Variants in SDK1 observed in about 807,000 individuals in gnomAD.
The protein encoded by SDK1 is sidekick cell adhesion molecule 1.
In SDK1, 157 loss-of-function variants were observed where a neutral mutation model predicts 245.5. The observed-to-expected ratio is 0.64, with a 90% CI of 0.56 to 0.73. SDK1 has a LOEUF of 0.73. Among genes scored for constraint, SDK1 ranks in the 30% least tolerant of loss-of-function variants. SDK1 has a pLI of 0.00. For missense variants in SDK1, 3,583 were observed against 3,002.3 expected, an observed-to-expected ratio of 1.19 and a Z score of -4.52; for synonymous variants, 1,647 against 1,278.5, an observed-to-expected ratio of 1.29 and a Z score of -6.15.
intron 1 of SDK1, among the ~76,000 whole-genome samples, chr7:3,506,367 G>A (rs921799779): frequency 4.6e-5 from 7 of 152,092 alleles, no homozygotes; most frequent in Non-Finnish European, 8.8e-5. Context: ...TATTCCCTGT[G>A]TAAGTTGTAT....
At chr7:3,802,482 C>G (rs935287887) in intron 4 of SDK1, among the ~76,000 whole-genome samples, 3 of 152,018 alleles carry the variant, frequency 2.0e-5, no homozygotes, top group African/African-American at 7.3e-5. Context: ...CTGCAGTGAG[C>G]CATGATCATG....
intron 1 of SDK1, among the ~76,000 whole-genome samples, chr7:3,371,102 C>G (rs537164592): frequency 6.6e-6 from 1 of 152,230 alleles, no homozygotes; most frequent in South Asian, 2.1e-4. Context: ...ACAAGAGTGC[C>G]TGAGTCTCAG....
chr7:3,479,205 T>A (rs1038363856), intron 1 of SDK1, among the ~76,000 whole-genome samples: 3 of 151,996 alleles, frequency 2.0e-5, no homozygotes, highest in African/African-American at 7.2e-5. Context: ...GCGGATCACT[T>A]GAGGTCAGGA....
At chr7:3,652,371 C>G (rs977367919) in intron 4 of SDK1, among the ~76,000 whole-genome samples, 31 of 152,138 alleles carry the variant, frequency 2.0e-4, no homozygotes. Context: ...CCTGGACATG[C>G]ACAGACAAGC....
At chr7:3,641,325 C>G (rs905997905) in intron 3 of SDK1, among the ~76,000 whole-genome samples, 1 of 152,128 alleles carries the variant, frequency 6.6e-6, no homozygotes, top group African/African-American at 2.4e-5. Flanking sequence ...TACCTACATT[C>G]TAATAGCTAT....
At chr7:4,173,150 G>T (rs914594686) in intron 32 of SDK1, among the ~76,000 whole-genome samples, 6 of 152,232 alleles carry the variant, frequency 3.9e-5, no homozygotes, top group African/African-American at 1.2e-4. Flanking sequence ...TCCGTCCTCT[G>T]ACGAGGCTTC....
At chr7:4,113,638 C>T (rs1171348419) in intron 24 of SDK1, among the ~76,000 whole-genome samples, 199 bp downstream of exon 24, 2 of 152,174 alleles carry the variant, frequency 1.3e-5, no homozygotes. Context: ...TAATTAGTAG[C>T]ATTACTCACT....
chr7:3,536,970 C>A (rs1416800818), intron 1 of SDK1, among the ~76,000 whole-genome samples: 1 of 151,672 alleles, frequency 6.6e-6, no homozygotes, highest in Non-Finnish European at 1.5e-5. Flanking sequence ...ATATTTTTTT[C>A]TTCAATCTCT....
At chr7:3,989,368 C>G (rs1423932715) in intron 14 of SDK1, among the ~76,000 whole-genome samples, 1 of 152,106 alleles carries the variant, frequency 6.6e-6, no homozygotes, top group East Asian at 1.9e-4. Flanking sequence ...CCCCCATGAT[C>G]CAGTTACCTC....
At chr7:3,323,391 G>A (rs1163487839) in intron 1 of SDK1, among the ~76,000 whole-genome samples, 1 of 152,232 alleles carries the variant, frequency 6.6e-6, no homozygotes, top group Non-Finnish European at 1.5e-5. Context: ...AGAGCTTGCT[G>A]TAAAAGATAG....
chr7:3,593,867 A>T (rs368515599), intron 1 of SDK1, among the ~76,000 whole-genome samples: 1 of 152,186 alleles, frequency 6.6e-6, no homozygotes, highest in African/African-American at 2.4e-5. Context: ...CCGTTTTCTC[A>T]TTTGTAAAAG....
chr7:4,056,220 T>C (rs1206039117), intron 19 of SDK1, among the ~76,000 whole-genome samples: 1 of 151,994 alleles, frequency 6.6e-6, no homozygotes, highest in Non-Finnish European at 1.5e-5. Context: ...CTGTTTATCC[T>C]ATTTAGGATA....
chr7:3,782,304 G>A (rs879486176), intron 4 of SDK1, among the ~76,000 whole-genome samples: 10 of 152,312 alleles, frequency 6.6e-5, no homozygotes, highest in Admixed American at 1.3e-4. Context: ...ACCAGATCTT[G>A]TGTGAACTCA....
At chr7:4,016,862 C>G (rs1384148121) in intron 16 of SDK1, among the ~76,000 whole-genome samples, 1 of 152,166 alleles carries the variant, frequency 6.6e-6, no homozygotes, top group Non-Finnish European at 1.5e-5. Flanking sequence ...GAAATCATGT[C>G]TGGAATTTTT....
intron 38 of SDK1, among the ~76,000 whole-genome samples, chr7:4,215,370 G>A (rs917970462): frequency 6.6e-6 from 1 of 152,234 alleles, no homozygotes; most frequent in African/African-American, 2.4e-5. Context: ...CCGACTCTGC[G>A]CTGGGCCACG....
intron 1 of SDK1, among the ~76,000 whole-genome samples, chr7:3,410,811 T>C (rs1040128880): frequency 6.6e-6 from 1 of 152,190 alleles, no homozygotes; most frequent in South Asian, 2.1e-4. Flanking sequence ...GGTCTCGAAC[T>C]CCTGACCTCA....
chr7:3,919,569 ATG>A, intron 5 of SDK1, among the ~76,000 whole-genome samples: 1 of 152,292 alleles, frequency 6.6e-6, no homozygotes, highest in South Asian at 2.1e-4. Context: ...AATATCCATA[ATG>A]TCGAGGCATT....
intron 1 of SDK1, among the ~76,000 whole-genome samples, chr7:3,515,187 A>AG (rs1397482501): frequency 6.6e-6 from 1 of 152,190 alleles, no homozygotes; most frequent in Non-Finnish European, 1.5e-5. Flanking sequence ...CTTCTGAAGA[A>AG]GAGCAGGGCT....
chr7:3,792,640 A>G (rs954755496), intron 4 of SDK1, among the ~76,000 whole-genome samples: 1 of 140,512 alleles, frequency 7.1e-6, no homozygotes, highest in African/African-American at 3.1e-5. Context: ...CCATCCATCC[A>G]TCCACCTGTC....
Sources: allele counts gnomAD v4.1 joint callset (sites outside exome capture counted in the v4.1 genomes callset), GRCh38; gene constraint gnomAD v4.1.1; transcripts MANE v1.5; gene names NCBI Gene and HGNC (gene_info 2026-07-23, HGNC 2026-07-21).